Variants in ATXN7 observed in about 807,000 individuals in gnomAD.
ATXN7 encodes the protein ataxin 7, also known as ataxin-7.
A neutral mutation model predicts 70.5 loss-of-function variants in ATXN7; 12 were observed. That is an observed-to-expected ratio of 0.17 (90% CI 0.11 to 0.28). The LOEUF is 0.28. Among genes scored for constraint, ATXN7 ranks in the 10% least tolerant of loss-of-function variants. ATXN7 has a pLI of 1.00. For missense variants in ATXN7, 1,256 were observed against 1,131.7 expected (o/e 1.11, Z -1.58); for synonymous variants, 498 against 448.7 (o/e 1.11, Z -1.39).
chr3:63,902,735 A>G (rs1299723988), intron 2 of ATXN7, among the ~76,000 whole-genome samples: 1 of 152,170 alleles, frequency 6.6e-6, no homozygotes, highest in Non-Finnish European at 1.5e-5. Flanking sequence ...TGAAGTTTCA[A>G]GCAAAGGAAG....
chr3:63,936,802 A>C (rs890162097), intron 4 of ATXN7, among the ~76,000 whole-genome samples: 2 of 152,210 alleles, frequency 1.3e-5, no homozygotes, highest in Admixed American at 6.5e-5. Flanking sequence ...CCTTGAATAC[A>C]GCTTGATTTT....
In ATXN7 at chr3:63,996,059, A is replaced by G. The variant is rs772606226; in HGVS notation, c.2237A>G (p.Tyr746Cys). 12 of 1,613,922 alleles carry G rather than the reference A, an allele frequency of 7.4e-6. No individual in the cohort carries two copies. The highest frequency in any genetic ancestry group is 9.3e-6 in the Non-Finnish European group (11 of 1,179,978). The part of the protein sequence containing the change: ...KNCVAHSGPP[Y>C]PSTVTSSHSI... ...TGTGTGGCTCACTCTGGGCCTCCCT[A>G]CCCCTCAACGGTAACATCTTCCCAT... Residue 746 changes from tyrosine (Y) to cysteine (C), a missense_variant, in exon 12 of 13, where the codon TAC becomes TGC. Coordinates refer to ENST00000674280, the MANE Select transcript of ATXN7 (RefSeq NM_001377405.1).
intron 1 of ATXN7, among the ~76,000 whole-genome samples, chr3:63,890,611 G>A (rs1399623138): frequency 6.6e-6 from 1 of 151,774 alleles, no homozygotes; most frequent in Non-Finnish European, 1.5e-5. Flanking sequence ...ATAAAATAAT[G>A]TATATAAAAG....
intron 5 of ATXN7, among the ~76,000 whole-genome samples, chr3:63,961,241 C>G (rs990711750): frequency 6.6e-6 from 1 of 152,140 alleles, no homozygotes. Flanking sequence ...ACTTAATAAT[C>G]TATCTAAAAT....
chr3:63,967,780 G>A (rs1309665282), intron 5 of ATXN7: 1 of 1,467,626 alleles, frequency 6.8e-7, no homozygotes, highest in Non-Finnish European at 9.0e-7. Context: ...TGTAATTCAA[G>A]TGCTTTTTAC....
At chr3:63,870,356 A>G (rs1702558780) in intron 1 of ATXN7, among the ~76,000 whole-genome samples, 1 of 152,192 alleles carries the variant, frequency 6.6e-6, no homozygotes, top group African/African-American at 2.4e-5. Flanking sequence ...TATTAGATGC[A>G]TAGATTTGTG....
intron 5 of ATXN7, among the ~76,000 whole-genome samples, chr3:63,956,970 T>C (rs1418625127): frequency 2.6e-5 from 4 of 152,158 alleles, no homozygotes; most frequent in Admixed American, 2.6e-4. Flanking sequence ...TAGTGATAAG[T>C]GTGTTGGTCC....
chr3:63,881,611 C>G (rs533232942), intron 1 of ATXN7, among the ~76,000 whole-genome samples: 1 of 152,020 alleles, frequency 6.6e-6, no homozygotes, highest in South Asian at 2.1e-4. Context: ...GCCTCAGCCT[C>G]CTGAGAAGCT....
chr3:63,962,004 C>G (rs1004220952), intron 5 of ATXN7, among the ~76,000 whole-genome samples: 1 of 152,102 alleles, frequency 6.6e-6, no homozygotes, highest in South Asian at 2.1e-4. Flanking sequence ...TACATATGAC[C>G]AGAAGAGGGA....
At chr3:63,868,450 A>G (rs965732101) in intron 1 of ATXN7, among the ~76,000 whole-genome samples, 3 of 152,258 alleles carry the variant, frequency 2.0e-5, no homozygotes, top group African/African-American at 7.2e-5. Flanking sequence ...TTGGGGAACC[A>G]TTAATAAACA....
chr3:63,943,907 C>T (rs922496868), intron 4 of ATXN7, among the ~76,000 whole-genome samples: 4 of 152,166 alleles, frequency 2.6e-5, no homozygotes, highest in Admixed American at 2.6e-4. Flanking sequence ...GAGCTGCCTT[C>T]CTTACCTAGG....
rs73834168 is a variant in ATXN7 at position 63,997,946 on chromosome 3, C to A, written c.2661+1463C>A. 145 of 985,356 alleles carry A rather than the reference C, an allele frequency of 1.5e-4. No homozygotes were observed. In the African/African-American group the frequency reaches 2.3e-3, roughly 16 times the overall value. 61.0% of individuals were successfully genotyped at this position (985,356 alleles called of 1,614,324 possible). A position where few individuals can be genotyped will look rare whatever the true frequency, so the allele number is the denominator to read the frequency against. ...GCATTCTGATCATGGGATTCCTGGACAAATGAGAAGTGTGCTTTTCCTTCT... is the reference window on the plus strand; with the variant it reads ...GCATTCTGATCATGGGATTCCTGGAAAAATGAGAAGTGTGCTTTTCCTTCT... On this transcript the variant is annotated intron_variant, in intron 12 of 12. Coordinates refer to ENST00000674280, the MANE Select transcript of ATXN7 (RefSeq NM_001377405.1).
intron 1 of ATXN7, among the ~76,000 whole-genome samples, chr3:63,885,331 A>T (rs550504964): frequency 6.6e-6 from 1 of 152,336 alleles, no homozygotes; most frequent in East Asian, 1.9e-4. Flanking sequence ...GCCAACAGGT[A>T]TATGAAAAGA....
chr3:63,891,361 C>T (rs1030826194), intron 1 of ATXN7, among the ~76,000 whole-genome samples: 2 of 150,776 alleles, frequency 1.3e-5, no homozygotes, highest in East Asian at 3.9e-4. Context: ...CTCTTTTGCA[C>T]TAGCTGAAGT....
chr3:63,905,400 G>C (rs1163999548), intron 2 of ATXN7: 2 of 98,956 alleles, frequency 2.0e-5, no homozygotes, highest in African/African-American at 1.1e-4. Context: ...CAGTAAAGAC[G>C]GGGTTTCACC....
rs146894081 is a variant in ATXN7 at position 63,992,624 on chromosome 3, T to C, written c.1682+1765T>C. 2.0e-5 allele frequency among the ~76,000 whole-genome samples: 3 copies of C among 152,296 alleles called. No homozygotes were observed. The East Asian group carries it at 5.8e-4, about 29-fold the overall frequency. On this transcript the variant is annotated intron_variant, in intron 11 of 12. Transcript: ENST00000674280. ...TCCTAGTGGCTTGTATAGTGAGACT[T>C]TCCTCTTGATGTGAACTTTTTAAAA...
At chr3:63,904,670 C>T (rs896640789) in intron 2 of ATXN7, 1 of 152,178 alleles carries the variant, frequency 6.6e-6, no homozygotes, top group African/African-American at 2.4e-5. Flanking sequence ...CACCTTTTGG[C>T]TTTTAGGAAT....
chr3:63,982,877 CT>C (rs2075513433), intron 7 of ATXN7, 61 bp from the exon 8 acceptor site: 1 of 1,279,736 alleles, frequency 7.8e-7, no homozygotes, highest in Non-Finnish European at 1.1e-6. Flanking sequence ...TATTTTCTTG[CT>C]TAAAAAATAC....
chr3:63,871,044 C>A (rs769224703), intron 1 of ATXN7, among the ~76,000 whole-genome samples: 1 of 152,172 alleles, frequency 6.6e-6, no homozygotes, highest in Non-Finnish European at 1.5e-5. Flanking sequence ...GATTTGGTGA[C>A]CTGATAACTG....
Sources: allele counts gnomAD v4.1 joint callset (sites outside exome capture counted in the v4.1 genomes callset), GRCh38; gene constraint gnomAD v4.1.1; transcripts MANE v1.5; gene names NCBI Gene and HGNC (gene_info 2026-07-23, HGNC 2026-07-21).